UMAD1: variants seen among roughly 807,000 people sequenced by gnomAD.
UMAD1 encodes UBAP1-MVB12-associated (UMA)-domain containing protein 1.
UMAD1 carries 8 observed loss-of-function variants against 6.1 expected under a neutral mutation model. That is an observed-to-expected ratio of 1.30 (90% CI 0.76 to 2.35). The LOEUF is 2.35. Ranked by LOEUF, UMAD1 falls within the 30% of genes most tolerant of loss-of-function variation. The pLI, the probability that UMAD1 is intolerant of heterozygous loss-of-function variation, is 0.00. For missense variants in UMAD1, 130 were observed against 78.4 expected, an observed-to-expected ratio of 1.66 and a Z score of -2.49; for synonymous variants, 56 against 31.4, an observed-to-expected ratio of 1.78 and a Z score of -2.61.
chr7:7,733,672 C>T (rs1423231648), intron 2 of UMAD1, among the ~76,000 whole-genome samples: 1 of 149,720 alleles, frequency 6.7e-6, no homozygotes, highest in Non-Finnish European at 1.5e-5. Context: ...GTTAGATATT[C>T]TCCCAAAATA....
At chr7:7,717,329 T>C (rs1009975119) in intron 2 of UMAD1, among the ~76,000 whole-genome samples, 3 of 152,178 alleles carry the variant, frequency 2.0e-5, no homozygotes, top group African/African-American at 4.8e-5. Flanking sequence ...AGTGCTGGAA[T>C]TACAGGCATA....
intron 3 of UMAD1, among the ~76,000 whole-genome samples, chr7:7,863,768 A>T (rs1379036852): frequency 6.6e-6 from 1 of 152,198 alleles, no homozygotes; most frequent in Non-Finnish European, 1.5e-5. Context: ...AATAGCTAAG[A>T]TGGACTTGTG....
At chr7:7,680,019 T>C (rs1779869993) in intron 2 of UMAD1, among the ~76,000 whole-genome samples, 1 of 152,080 alleles carries the variant, frequency 6.6e-6, no homozygotes, top group African/African-American at 2.4e-5. Context: ...ATCATTTCTT[T>C]TGTTGTGCAG....
intron 2 of UMAD1, among the ~76,000 whole-genome samples, chr7:7,784,222 T>C (rs757507645): frequency 2.0e-5 from 3 of 152,186 alleles, no homozygotes; most frequent in Non-Finnish European, 4.4e-5. Flanking sequence ...AGCAAAATCA[T>C]TCCTACTTAA....
At chr7:7,778,782 G>A (rs554890773) in intron 2 of UMAD1, among the ~76,000 whole-genome samples, 1 of 152,198 alleles carries the variant, frequency 6.6e-6, no homozygotes, top group East Asian at 1.9e-4. Context: ...TGAATTAGGG[G>A]CTGCTGCTTC....
intron 2 of UMAD1, chr7:7,736,214 T>A (rs1781356911): frequency 6.6e-6 from 1 of 152,284 alleles, no homozygotes; most frequent in Non-Finnish European, 1.5e-5. Context: ...TTGCATATTA[T>A]GACTTGAAAA....
chr7:7,760,021 G>A (rs1781852994), intron 2 of UMAD1, among the ~76,000 whole-genome samples: 1 of 152,102 alleles, frequency 6.6e-6, no homozygotes, highest in South Asian at 2.1e-4. Context: ...TGGCCAAAGA[G>A]ACCCTGGCTT....
intron 2 of UMAD1, among the ~76,000 whole-genome samples, chr7:7,769,934 C>T (rs1782068482): frequency 6.6e-6 from 1 of 152,180 alleles, no homozygotes; most frequent in African/African-American, 2.4e-5. Flanking sequence ...AACCAACTTT[C>T]CTCTCACTGT....
intron 2 of UMAD1, among the ~76,000 whole-genome samples, chr7:7,788,663 T>G (rs1320721772): frequency 6.6e-6 from 1 of 150,594 alleles, no homozygotes; most frequent in African/African-American, 2.4e-5. Flanking sequence ...TCAGATTTTC[T>G]GTGATTTCTG....
Position 7,785,429 on chromosome 7 carries a change from A to G in UMAD1, c.83-16241A>G, listed in dbSNP as rs11979063. ...GGAGTGTAGAGTTGGAACCGAAGGG[A>G]TGAAAAGGGATGAGAGAGTTAGTCA... On this transcript the variant is annotated intron_variant, in intron 2 of 3. Coordinates refer to ENST00000682710, the MANE Select transcript of UMAD1 (RefSeq NM_001302348.2). Among the ~76,000 whole-genome samples the G allele has an allele frequency of 9.6e-3, 1,467 of 152,178 alleles. 12 individuals carry two copies. The highest frequency in any genetic ancestry group is 0.014 in the Middle Eastern group (4 of 294).
chr7:7,796,888 C>A (rs1782696052), intron 2 of UMAD1, among the ~76,000 whole-genome samples: 1 of 152,188 alleles, frequency 6.6e-6, no homozygotes. Context: ...CCCCAAACTC[C>A]TCTGGGGAAA....
At chr7:7,777,662 T>C (rs1782243436) in intron 2 of UMAD1, among the ~76,000 whole-genome samples, 1 of 149,216 alleles carries the variant, frequency 6.7e-6, no homozygotes, top group Non-Finnish European at 1.5e-5. Flanking sequence ...CAGTCTAATA[T>C]CTGTAGAGTA....
At chr7:7,821,172 T>C (rs537418373) in intron 3 of UMAD1, among the ~76,000 whole-genome samples, 1 of 152,192 alleles carries the variant, frequency 6.6e-6, no homozygotes, top group South Asian at 2.1e-4. Flanking sequence ...AAACAAAGCT[T>C]TCCCCCCACC....
At position 7,773,360 on chromosome 7, in the gene UMAD1, T is replaced by C. The variant is rs16871571; in HGVS notation, c.83-28310T>C. ...ATACTTTTCTTGATAAATTTTAAAA[T>C]GAGTTAGTCAAATAATAATGAAATA... On this transcript the variant is annotated intron_variant, in intron 2 of 3. Coordinates refer to ENST00000682710, the MANE Select transcript of UMAD1 (RefSeq NM_001302348.2). 5.9e-4 allele frequency among the ~76,000 whole-genome samples: 90 copies of C among 152,318 alleles called. No individual in the cohort carries two copies. In the East Asian group the frequency reaches 0.015, roughly 26 times the overall value.
chr7:7,840,150 G>A (rs1305190460), intron 3 of UMAD1, among the ~76,000 whole-genome samples: 4 of 152,178 alleles, frequency 2.6e-5, no homozygotes, highest in African/African-American at 4.8e-5. Flanking sequence ...GTAGCTTCCA[G>A]AGTATGTGAG....
At chr7:7,818,291 T>A (rs1563231317) in intron 3 of UMAD1, among the ~76,000 whole-genome samples, 1 of 152,302 alleles carries the variant, frequency 6.6e-6, no homozygotes, top group East Asian at 1.9e-4. Flanking sequence ...GCTCCATCCA[T>A]GTCCCTGCAA....
chr7:7,849,502 A>C (rs183798500), intron 3 of UMAD1, among the ~76,000 whole-genome samples: 2 of 152,142 alleles, frequency 1.3e-5, no homozygotes, highest in Non-Finnish European at 2.9e-5. Context: ...ACTGTGGTCT[A>C]GTGAATTCTG....
intron 2 of UMAD1, among the ~76,000 whole-genome samples, chr7:7,758,760 T>G (rs904757794): frequency 6.6e-6 from 1 of 152,234 alleles, no homozygotes; most frequent in Non-Finnish European, 1.5e-5. Flanking sequence ...TAGCTCTAGT[T>G]CATTAATTTT....
intron 3 of UMAD1, among the ~76,000 whole-genome samples, chr7:7,866,896 G>T (rs1442806479): frequency 6.6e-6 from 1 of 152,148 alleles, no homozygotes; most frequent in African/African-American, 2.4e-5. Flanking sequence ...CAGCATTCCA[G>T]GAAGAAGACC....
Sources: allele counts gnomAD v4.1 joint callset (sites outside exome capture counted in the v4.1 genomes callset), GRCh38; gene constraint gnomAD v4.1.1; transcripts MANE v1.5; gene names NCBI Gene and HGNC (gene_info 2026-07-23, HGNC 2026-07-21).